UMPS: variants seen among roughly 807,000 people sequenced by gnomAD.
UMPS encodes uridine monophosphate synthetase.
Under a neutral mutation model 38.9 loss-of-function variants are expected in UMPS, and 21 were observed. That is an observed-to-expected ratio of 0.54 (90% CI 0.38 to 0.78). UMPS has a LOEUF of 0.78. UMPS is among the 30% of genes least tolerant of loss of function. UMPS has a pLI of 0.00. For missense variants in UMPS, 533 were observed against 591.6 expected (o/e 0.90, Z 1.03); for synonymous variants, 208 against 219.3 (o/e 0.95, Z 0.45).
rs1559910480 is a variant in UMPS at position 124,747,554 on chromosome 3, G to A, written c.*3470G>A. 6.6e-6 allele frequency: 3 copies of A among 453,988 alleles called. No homozygotes were observed. The highest frequency in any genetic ancestry group is 1.3e-5 in the Non-Finnish European group (3 of 226,672). 28.1% of individuals were successfully genotyped at this position (453,988 alleles called of 1,614,324 possible). ...CTTCTGAAGAGCAAGAGAAAGTAGAGCAGAGCCTACTCCAGCCTCCCCCGT... is the reference window on the plus strand; with the variant it reads ...CTTCTGAAGAGCAAGAGAAAGTAGAACAGAGCCTACTCCAGCCTCCCCCGT... On this transcript the variant is annotated 3_prime_UTR_variant, in exon 6 of 6. Coordinates refer to ENST00000232607, the MANE Select transcript of UMPS (RefSeq NM_000373.4).
At position 124,738,068 on chromosome 3, in the gene UMPS, G is replaced by C. The variant is rs779077289; in HGVS notation, c.811G>C (p.Asp271His). The C allele has an allele frequency of 5.3e-5, 86 of 1,614,108 alleles. No homozygotes were observed. Among genetic ancestry groups the C allele is most frequent in the Non-Finnish European group, 7.0e-5 (83 of 1,180,050 alleles). Residue 271 changes from aspartate (D) to histidine (H), a missense_variant, in exon 3 of 6, where the codon GAT (aspartate) becomes CAT (histidine). Transcript: ENST00000232607. ...SLARELLQLA[D>H]ALGPSICMLK... ...GGCCAGAGAGCTGTTGCAGCTAGCA[G>C]ATGCTTTAGGACCTAGTATCTGCAT...
At chr3:124,732,446 TG>T (rs1411216712) in intron 1 of UMPS, 3 of 154,964 alleles carry the variant, frequency 1.9e-5, no homozygotes, top group East Asian at 3.9e-4. Flanking sequence ...CTGGGAATTT[TG>T]TTAAAATGCA....
intron 1 of UMPS, among the ~76,000 whole-genome samples, 196 bp downstream of exon 1, chr3:124,730,823 T>C (rs969318515): frequency 2.0e-5 from 3 of 152,128 alleles, no homozygotes; most frequent in African/African-American, 7.2e-5. Context: ...CGTCTGTTCT[T>C]TCACCCACAC....
Position 124,742,150 on chromosome 3 carries a change from A to G in UMPS, c.1159-2A>G. On this transcript the variant is annotated splice_acceptor_variant, in intron 4 of 5. Transcript: ENST00000232607. LOFTEE classifies it high-confidence loss of function. ...TAATATGTCCTATTACATTCCATTT[A>G]GGTTAGAATGGCTGAGGAGCACTCT... 6.2e-7 allele frequency: 1 copy of G among 1,605,508 alleles called. No individual in the cohort carries two copies.
rs2063603386 is a variant in UMPS at position 124,746,784 on chromosome 3, T to C, written c.*2700T>C. On this transcript the variant is annotated 3_prime_UTR_variant, in exon 6 of 6. Transcript: ENST00000232607. ...GTGTGTGTGTGTGTGTGTGTGTGTGTGTGTGTGTGTGTGCATGCGCGCGCG... is the reference window on the plus strand; with the variant it reads ...GTGTGTGTGTGTGTGTGTGTGTGTGCGTGTGTGTGTGTGCATGCGCGCGCG... The C allele has an allele frequency of 2.7e-6, 1 of 375,142 alleles. No homozygotes were observed. Among genetic ancestry groups the C allele is most frequent in the Middle Eastern group, 9.1e-4 (1 of 1,102 alleles). 23.2% of individuals were successfully genotyped at this position (375,142 alleles called of 1,614,324 possible).
Position 124,744,976 on chromosome 3 carries a change from C to G in UMPS, c.*892C>G, listed in dbSNP as rs1211638362. 2.2e-6 allele frequency: 1 copy of G among 453,944 alleles called. No homozygotes were observed. Among genetic ancestry groups the G allele is most frequent in the Non-Finnish European group, 4.4e-6 (1 of 226,782 alleles). 28.1% of individuals were successfully genotyped at this position (453,944 alleles called of 1,614,324 possible). ...CTGAGCTAGTATCTGGCTGTTATTTCAACAACCGGAGTTGGGGTTTGGGCT... is the reference window on the plus strand; with the variant it reads ...CTGAGCTAGTATCTGGCTGTTATTTGAACAACCGGAGTTGGGGTTTGGGCT... On this transcript the variant is annotated 3_prime_UTR_variant, in exon 6 of 6. Transcript: ENST00000232607.
rs1435254617 is a variant in UMPS at position 124,744,804 on chromosome 3, A to G, written c.*720A>G. ...ATTCTCTGTCTAATGTGTTGCCCAA[A>G]TAATACCTAATTGTTAGCCATTCCC... On this transcript the variant is annotated 3_prime_UTR_variant, in exon 6 of 6. Coordinates refer to ENST00000232607, the MANE Select transcript of UMPS (RefSeq NM_000373.4). The G allele has an allele frequency of 4.4e-6, 2 of 454,088 alleles. No homozygotes were observed. Among genetic ancestry groups the G allele is most frequent in the Admixed American group, 2.3e-5 (1 of 42,576 alleles). 28.1% of individuals were successfully genotyped at this position (454,088 alleles called of 1,614,324 possible). A position where few individuals can be genotyped will look rare whatever the true frequency, so the allele number is the denominator to read the frequency against.
rs925572418 is a variant in UMPS, at chr3:124,730,461, A to G, written c.-11A>G. The G allele has an allele frequency of 1.9e-6, 3 of 1,614,020 alleles. No homozygotes were observed. Among genetic ancestry groups the G allele is most frequent in the South Asian group, 1.1e-5 (1 of 91,076 alleles). On this transcript the variant is annotated 5_prime_UTR_variant, in exon 1 of 6. Transcript: ENST00000232607. ...GCCTGGGAATTTGAAGCAAACAGGC[A>G]GCGCGCGACAATGGCGGTCGCTCGT...
chr3:124,733,824 T>G (rs975707745), intron 1 of UMPS: 1 of 151,882 alleles, frequency 6.6e-6, no homozygotes, highest in African/African-American at 2.4e-5. Flanking sequence ...TCATGGGAAA[T>G]TTTTTTTTAA....
rs1016281375 is a variant in UMPS at position 124,747,440 on chromosome 3, C to T, written c.*3356C>T. On this transcript the variant is annotated 3_prime_UTR_variant, in exon 6 of 6. Coordinates refer to ENST00000232607, the MANE Select transcript of UMPS (RefSeq NM_000373.4). ...GGTGGGAGTCACTCAGTACCAGTTC[C>T]GAGCCTGAACCCAAACTCTCGTGTT... 12 of 454,012 alleles carry T rather than the reference C, an allele frequency of 2.6e-5. No individual in the cohort carries two copies. Among genetic ancestry groups the T allele is most frequent in the African/African-American group, 2.0e-4 (10 of 49,982 alleles). 28.1% of individuals were successfully genotyped at this position (454,012 alleles called of 1,614,324 possible).
Position 124,737,946 on chromosome 3 carries a change from G to C in UMPS, c.689G>C (p.Arg230Pro), listed in dbSNP as rs772815894. The C allele has an allele frequency of 1.2e-6, 2 of 1,614,230 alleles. No individual in the cohort carries two copies. Among genetic ancestry groups the C allele is most frequent in the Non-Finnish European group, 8.5e-7 (1 of 1,180,040 alleles). The change falls in exon 3 of 6, where the codon CGT (arginine) becomes CCT (proline). Residue 230 changes from arginine to proline, a missense_variant. Transcript: ENST00000232607. ...CCCAAAGAACTCAGCTTCGGTGCAC[G>C]TGCAGAGCTGCCCAGGATCCACCCA... ...EAPKELSFGA[R>P]AELPRIHPVA...
rs1472890068 is a variant in UMPS at position 124,747,262 on chromosome 3, C to A, written c.*3178C>A. ...ACTCAGTGTGTGCCCGACAGCAGAG[C>A]CCACACCACTCCAGTTGCAGTGGTT... On this transcript the variant is annotated 3_prime_UTR_variant, in exon 6 of 6. Coordinates refer to ENST00000232607, the MANE Select transcript of UMPS (RefSeq NM_000373.4). 2.2e-6 allele frequency: 1 copy of A among 448,040 alleles called. No homozygotes were observed. 27.8% of individuals were successfully genotyped at this position (448,040 alleles called of 1,614,324 possible). A position where few individuals can be genotyped will look rare whatever the true frequency, so the allele number is the denominator to read the frequency against.
rs937188206 is a variant in UMPS, at chr3:124,745,642, AC to A, written c.*1560del. ...CAGGGAAATGCTGTCTGTGGGAGAGACCAACTCTCAAGGAAGAAGTGGCCAC... is the reference window on the plus strand; with the variant it reads ...CAGGGAAATGCTGTCTGTGGGAGAGACAACTCTCAAGGAAGAAGTGGCCAC... On this transcript the variant is annotated 3_prime_UTR_variant, in exon 6 of 6. Transcript: ENST00000232607. 3 of 453,856 alleles carry A rather than the reference AC, an allele frequency of 6.6e-6. No homozygotes were observed. The highest frequency in any genetic ancestry group is 4.0e-5 in the African/African-American group (2 of 49,930). The allele number at this position is 453,856 out of a possible 1,614,324, so 28.1% of individuals were successfully genotyped here.
chr3:124,738,017 C>G lies in UMPS; in HGVS notation c.760C>G (p.Leu254Val). 6.2e-7 allele frequency: 1 copy of G among 1,614,238 alleles called. No homozygotes were observed. Among genetic ancestry groups the G allele is most frequent in the Non-Finnish European group, 8.5e-7 (1 of 1,180,032 alleles). Residue 254 changes from leucine to valine, a missense_variant, in exon 3 of 6, where the codon CTG becomes GTG. Physicochemically the swap from Leu to Val is conservative, Grantham distance 32. Coordinates refer to ENST00000232607, the MANE Select transcript of UMPS (RefSeq NM_000373.4). The stretch of plus-strand genomic sequence containing the variant: ...GCTTATGCAAAAGAAGGAGACCAAT[C>G]TGTGTCTATCTGCTGATGTTTCACT... ...LRLMQKKETN[L>V]CLSADVSLAR... is the part of the protein sequence containing the mutation.
chr3:124,746,754 ATTGTGTGTGTGT>A lies in UMPS; in HGVS notation c.*2671_*2682del. On this transcript the variant is annotated 3_prime_UTR_variant, in exon 6 of 6. Transcript: ENST00000232607. ...CATTCTGTAGAACATAAGCCCATAG[ATTGTGTGTGTGT>A]GTGTGTGTGTGTGTGTGTGTGTGTG... 1 of 302,926 alleles carries A rather than the reference ATTGTGTGTGTGT, an allele frequency of 3.3e-6. No individual in the cohort carries two copies. The highest frequency in any genetic ancestry group is 1.0e-4 in the East Asian group (1 of 9,932). 18.8% of individuals were successfully genotyped at this position (302,926 alleles called of 1,614,324 possible).
chr3:124,735,954 G>A (rs1188003298), intron 2 of UMPS, among the ~76,000 whole-genome samples: 1 of 151,808 alleles, frequency 6.6e-6, no homozygotes, highest in Non-Finnish European at 1.5e-5. Context: ...TCCAGCCTGG[G>A]CGACAAAGTG....
At chr3:124,740,821 G>A (rs1391616160) in intron 4 of UMPS, among the ~76,000 whole-genome samples, 1 of 152,004 alleles carries the variant, frequency 6.6e-6, no homozygotes, top group Non-Finnish European at 1.5e-5. Context: ...ATGGTGGTAC[G>A]TGCCTATAGT....
rs1178862718 is a variant in UMPS, at chr3:124,748,658, A to G, written c.*4574A>G. 2 of 453,874 alleles carry G rather than the reference A, an allele frequency of 4.4e-6. No homozygotes were observed. The highest frequency in any genetic ancestry group is 8.8e-6 in the Non-Finnish European group (2 of 226,768). The allele number at this position is 453,874 out of a possible 1,614,324, so 28.1% of individuals were successfully genotyped here. On this transcript the variant is annotated 3_prime_UTR_variant, in exon 6 of 6. Transcript: ENST00000232607. ...GGAGGAAGGGCAGTTGACACCCAAAATAAGGGTGGGGAACTGTCAGCAGAG... is the reference window on the plus strand; with the variant it reads ...GGAGGAAGGGCAGTTGACACCCAAAGTAAGGGTGGGGAACTGTCAGCAGAG...
chr3:124,739,488 C>T lies in UMPS; in HGVS notation c.983-536C>T, dbSNP rs17843833. 2.0e-4 allele frequency among the ~76,000 whole-genome samples: 30 copies of T among 152,140 alleles called. 2 individuals are homozygous for T. In the East Asian group the frequency reaches 3.3e-3, roughly 17 times the overall value. On this transcript the variant is annotated intron_variant, in intron 3 of 5. Coordinates refer to ENST00000232607, the MANE Select transcript of UMPS (RefSeq NM_000373.4). ...CTGGGACCACAGGCATGCGCCACCA[C>T]ACCTAGCTAATTTTTTTGTATTTTT...
Sources: gnomAD v4.1 joint callset for allele counts (sites outside exome capture counted in the v4.1 genomes callset) on GRCh38, gnomAD v4.1.1 for gene constraint, MANE v1.5 for transcripts, NCBI Gene and HGNC (gene_info 2026-07-23, HGNC 2026-07-21) for gene names.